Variants in PCNX2 observed in about 807,000 individuals in gnomAD.
PCNX2 encodes the protein pecanex 2.
PCNX2 carries 168 observed loss-of-function variants against 223.8 expected under a neutral mutation model. The ratio of observed to expected loss-of-function variants is 0.75; its 90% confidence interval spans 0.66 to 0.85. PCNX2 has a LOEUF of 0.85. Among genes scored for constraint, PCNX2 ranks in the 40% least tolerant of loss-of-function variants. PCNX2 has a pLI of 0.00. For synonymous variants in PCNX2, 1,006 were observed against 1,052.6 expected, an observed-to-expected ratio of 0.96 and a Z score of 0.86; for missense variants, 2,507 against 2,675.5, an observed-to-expected ratio of 0.94 and a Z score of 1.39.
chr1:233,101,283 G>A (rs1674473200), intron 21 of PCNX2, among the ~76,000 whole-genome samples: 1 of 152,320 alleles, frequency 6.6e-6, no homozygotes, highest in Middle Eastern at 3.4e-3. Context: ...CTCAAATGTA[G>A]GCCACCATTT....
chr1:233,282,561 G>C (rs73093227), intron 1 of PCNX2, among the ~76,000 whole-genome samples: 1,767 of 152,106 alleles, frequency 0.012, 34 homozygotes, highest in African/African-American at 0.04. Flanking sequence ...AGATAATCAG[G>C]CATCTCCCTT....
chr1:233,115,858 C>T (rs1675377128), intron 21 of PCNX2, among the ~76,000 whole-genome samples: 1 of 151,996 alleles, frequency 6.6e-6, no homozygotes, highest in South Asian at 2.1e-4. Flanking sequence ...ATACTAAAGA[C>T]AAATATTGGC....
chr1:232,999,529 C>T, intron 30 of PCNX2, 150 bp from the exon 31 acceptor site: 1 of 852,320 alleles, frequency 1.2e-6, no homozygotes, highest in Non-Finnish European at 1.7e-6. Flanking sequence ...TCTCAGCTCA[C>T]TGCAACCTCC....
chr1:233,207,515 C>T (rs1572078114), intron 13 of PCNX2, among the ~76,000 whole-genome samples: 1 of 152,168 alleles, frequency 6.6e-6, no homozygotes, highest in Non-Finnish European at 1.5e-5. Context: ...GGGTCAATAC[C>T]GGAGCAATCA....
intron 25 of PCNX2, among the ~76,000 whole-genome samples, chr1:233,041,022 C>A (rs73105114): frequency 0.069 from 10,507 of 152,160 alleles, 964 homozygotes; most frequent in African/African-American, 0.21. Context: ...TTCCCTCTTT[C>A]ACACCCTCAC....
intron 19 of PCNX2, among the ~76,000 whole-genome samples, chr1:233,146,874 T>C (rs1414628104): frequency 6.6e-6 from 1 of 152,180 alleles, no homozygotes; most frequent in Admixed American, 6.5e-5. Flanking sequence ...GATAGATTGA[T>C]TTGAGTGGAG....
intron 21 of PCNX2, among the ~76,000 whole-genome samples, chr1:233,113,966 T>A (rs1461838960): frequency 6.6e-6 from 1 of 152,232 alleles, no homozygotes; most frequent in Non-Finnish European, 1.5e-5. Context: ...TCATATCTAC[T>A]CTGTGCCTGA....
At chr1:233,198,520 G>A (rs1371891047) in intron 15 of PCNX2, among the ~76,000 whole-genome samples, 5 of 152,156 alleles carry the variant, frequency 3.3e-5, no homozygotes, top group Admixed American at 3.3e-4. Context: ...CTGTTTTCTA[G>A]ATTCTAACAT....
upstream of PCNX2, among the ~76,000 whole-genome samples, chr1:233,297,186 G>C (rs1471676833): frequency 6.6e-6 from 1 of 152,002 alleles, no homozygotes; most frequent in Non-Finnish European, 1.5e-5. Flanking sequence ...ACGTGCATGG[G>C]TATAGGAGGA....
chr1:233,277,757 C>T (rs569913148), intron 1 of PCNX2, among the ~76,000 whole-genome samples: 2 of 152,080 alleles, frequency 1.3e-5, no homozygotes, highest in South Asian at 2.1e-4. Flanking sequence ...AGGAGGGCAC[C>T]GATCATTAGC....
the PCNX2 span, among the ~76,000 whole-genome samples, chr1:233,322,673 G>A: frequency 6.6e-6 from 1 of 152,080 alleles, no homozygotes; most frequent in Non-Finnish European, 1.5e-5. Context: ...ATTTGTTTTG[G>A]CAGGCAGCAG....
chr1:233,272,643 G>A (rs113581745), intron 1 of PCNX2, among the ~76,000 whole-genome samples: 4 of 152,156 alleles, frequency 2.6e-5, no homozygotes, highest in African/African-American at 9.7e-5. Context: ...CCACTACTGG[G>A]TATCTAGCCA....
At chr1:233,172,629 G>A (rs1268869333) in intron 17 of PCNX2, 7 of 876,280 alleles carry the variant, frequency 8.0e-6, no homozygotes, top group Admixed American at 1.2e-4. Context: ...TCCATAGTTC[G>A]AGGTCTGAAA....
At chr1:233,302,731 A>G in the PCNX2 span, among the ~76,000 whole-genome samples, 1 of 152,038 alleles carries the variant, frequency 6.6e-6, no homozygotes, top group East Asian at 1.9e-4. Context: ...ATATTTTACT[A>G]CATTCAATTC....
chr1:233,263,564 T>C (rs1182010209), intron 1 of PCNX2, among the ~76,000 whole-genome samples: 1 of 151,424 alleles, frequency 6.6e-6, no homozygotes, highest in Non-Finnish European at 1.5e-5. Context: ...CAGACAATTA[T>C]CCTGCCTCAG....
chr1:233,276,396 C>T (rs12140735), intron 1 of PCNX2, among the ~76,000 whole-genome samples: 40,184 of 151,996 alleles, frequency 0.26, 5,988 homozygotes, highest in African/African-American at 0.42. Flanking sequence ...AGAGATGAAA[C>T]ATAGTGATGG....
intron 32 of PCNX2, among the ~76,000 whole-genome samples, chr1:232,992,904 G>A (rs561729110): frequency 2.6e-4 from 39 of 152,248 alleles, no homozygotes; most frequent in Non-Finnish European, 4.7e-4. Flanking sequence ...CTTCCCCTTC[G>A]CCTTCTGCCA....
intron 25 of PCNX2, among the ~76,000 whole-genome samples, chr1:233,037,239 A>G (rs1297213336): frequency 1.3e-5 from 2 of 152,186 alleles, no homozygotes; most frequent in Non-Finnish European, 2.9e-5. Context: ...GAACCACGGA[A>G]TGGGTTCAGT....
rs754570335 is a variant in PCNX2 at position 233,126,584 on chromosome 1, T to C, written c.3837+8429A>G. On this transcript the variant is annotated intron_variant, in intron 21 of 33. Coordinates refer to ENST00000258229, the MANE Select transcript of PCNX2 (RefSeq NM_014801.4). The surrounding 1 kb of genome is among the most constrained non-coding windows in gnomAD (Gnocchi z 4.8). Reference sequence around the variant, plus strand: ...AGGATTTATTCCAAAATACTTACAATAGTTATCCATAGGAAGAGGTTAGGG... The same window carrying C: ...AGGATTTATTCCAAAATACTTACAACAGTTATCCATAGGAAGAGGTTAGGG... Among the ~76,000 whole-genome samples, 27 of 152,154 alleles carry C rather than the reference T, an allele frequency of 1.8e-4. No individual in the cohort carries two copies. The highest frequency in any genetic ancestry group is 2.8e-4 in the Non-Finnish European group (19 of 68,006).
Sources: allele counts gnomAD v4.1 joint callset (sites outside exome capture counted in the v4.1 genomes callset), GRCh38; gene constraint gnomAD v4.1.1; non-coding constraint Gnocchi (gnomAD v3.1); transcripts MANE v1.5; gene names NCBI Gene and HGNC (gene_info 2026-07-23, HGNC 2026-07-21).